The following PSTK variants were observed in gnomAD, a reference collection of about 807,000 sequenced individuals.
PSTK encodes phosphoseryl-tRNA kinase.
A neutral mutation model predicts 38.6 loss-of-function variants in PSTK; 26 were observed. That is an observed-to-expected ratio of 0.67 (90% CI 0.49 to 0.94). The LOEUF (loss-of-function observed/expected upper bound fraction) is 0.94. Ranked by LOEUF, PSTK falls within the 40% of genes least tolerant of loss-of-function variation. The probability of loss-of-function intolerance (pLI) is 0.00; values close to 1 mark genes in which losing one functional copy is unlikely to be tolerated. For synonymous variants in PSTK, 181 were observed against 161.7 expected, an observed-to-expected ratio of 1.12 and a Z score of -0.91; for missense variants, 445 against 436.3, an observed-to-expected ratio of 1.02 and a Z score of -0.18.
chr10:122,988,942 A>G (rs1356722807), intron 5 of PSTK, among the ~76,000 whole-genome samples: 1 of 152,140 alleles, frequency 6.6e-6, no homozygotes. Flanking sequence ...AAAATAACCC[A>G]CATGTCCGTC....
At chr10:122,986,825 A>G (rs1849040275) in intron 4 of PSTK, 44 bp from the exon 5 acceptor site, 1 of 1,271,374 alleles carries the variant, frequency 7.9e-7, no homozygotes, top group African/African-American at 1.5e-5. Context: ...CATTTATTTT[A>G]TAAAACTATG....
chr10:122,990,155 G>A lies in PSTK; in HGVS notation c.878-19G>A. On this transcript the variant is annotated intron_variant, in intron 5 of 5. Transcript: ENST00000406217. ...ACTTTAATTTACACCAGTAATTTGAGAATATCTTTTTATTTTAGATGAACA... is the reference window on the plus strand; with the variant it reads ...ACTTTAATTTACACCAGTAATTTGAAAATATCTTTTTATTTTAGATGAACA... 2.0e-6 allele frequency: 3 copies of A among 1,489,184 alleles called. No individual in the cohort carries two copies. The highest frequency in any genetic ancestry group is 2.7e-6 in the Non-Finnish European group (3 of 1,116,242). 92.2% of individuals were successfully genotyped at this position (1,489,184 alleles called of 1,614,324 possible). A position where few individuals can be genotyped will look rare whatever the true frequency, so the allele number is the denominator to read the frequency against.
intron 5 of PSTK, among the ~76,000 whole-genome samples, chr10:122,989,329 G>A (rs1250708256): frequency 6.6e-6 from 1 of 152,090 alleles, no homozygotes; most frequent in African/African-American, 2.4e-5. Flanking sequence ...TTGGCTCACT[G>A]CAACCTCCAC....
At chr10:122,989,013 A>C (rs1373058686) in intron 5 of PSTK, among the ~76,000 whole-genome samples, 1 of 152,122 alleles carries the variant, frequency 6.6e-6, no homozygotes, top group Admixed American at 6.5e-5. Flanking sequence ...ATAAAAAGGA[A>C]TGAAATGCTG....
At chr10:122,986,837 G>A (rs1308734772) in intron 4 of PSTK, 32 bp from the exon 5 acceptor site, 1 of 1,346,540 alleles carries the variant, frequency 7.4e-7, no homozygotes, top group South Asian at 1.2e-5. Context: ...AAAACTATGT[G>A]ACTTCTAATA....
Position 122,990,267 on chromosome 10 carries a change from A to G in PSTK, c.971A>G (p.Lys324Arg). 2 of 1,541,638 alleles carry G rather than the reference A, an allele frequency of 1.3e-6. No individual in the cohort carries two copies. Among genetic ancestry groups the G allele is most frequent in the Non-Finnish European group, 1.7e-6 (2 of 1,144,280 alleles). Residue 324 changes from lysine (K) to arginine (R), a missense_variant, in exon 6 of 6, where the codon AAA becomes AGA. Lys to Arg is a conservative substitution (Grantham distance 26, BLOSUM62 2). Coordinates refer to ENST00000406217, the MANE Select transcript of PSTK (RefSeq NM_001363531.2). ...TTGGAAGACCTAAAACAAGGAAACAAAAAATATCTGTGCTTTCAGCAAACC... is the reference window on the plus strand; with the variant it reads ...TTGGAAGACCTAAAACAAGGAAACAGAAAATATCTGTGCTTTCAGCAAACC... ...EFLEDLKQGN[K>R]KYLCFQQTID...
At chr10:122,989,919 A>T (rs1256639472) in intron 5 of PSTK, among the ~76,000 whole-genome samples, 4 of 152,240 alleles carry the variant, frequency 2.6e-5, no homozygotes, top group Non-Finnish European at 4.4e-5. Context: ...TCTTGGCAAC[A>T]ACAACAAAAA....
chr10:122,983,208 A>G (rs2133355989), intron 2 of PSTK, 64 bp from the exon 3 acceptor site: 1 of 1,367,696 alleles, frequency 7.3e-7, no homozygotes, highest in Non-Finnish European at 1.0e-6. Context: ...TGTCTAATAT[A>G]TGTTTATTTC....
intron 3 of PSTK, chr10:122,984,934 A>C (rs1849014989): frequency 6.6e-6 from 1 of 152,226 alleles, no homozygotes; most frequent in South Asian, 2.1e-4. Context: ...TAATATACCC[A>C]GGTAGGAAGT....
chr10:122,985,255 C>T (rs1849018719), intron 3 of PSTK: 1 of 152,404 alleles, frequency 6.6e-6, no homozygotes, highest in Admixed American at 6.5e-5. Context: ...CCCCTCTGCC[C>T]TTCCCACATT....
At chr10:122,986,727 G>T (rs1319937612) in intron 4 of PSTK, 142 bp from the exon 5 acceptor site, 6 of 609,502 alleles carry the variant, frequency 9.8e-6, no homozygotes, top group African/African-American at 1.9e-5. Flanking sequence ...GATTTGGTTG[G>T]ACTCTCTTGT....
In PSTK at chr10:122,983,391, G is replaced by C. The variant is rs199793118; in HGVS notation, c.628G>C (p.Glu210Gln). 2 of 1,614,160 alleles carry C rather than the reference G, an allele frequency of 1.2e-6. No individual in the cohort carries two copies. The highest frequency in any genetic ancestry group is 2.2e-5 in the East Asian group (1 of 44,878). Residue 210 changes from glutamate (E) to glutamine (Q), a missense_variant, in exon 3 of 6, where the codon GAA (glutamate) becomes CAA (glutamine). Glu to Gln is a conservative substitution (Grantham distance 29). Transcript: ENST00000406217. Reference sequence around the variant, plus strand: ...CATCCACCTGATGGGAAGAAAGCTAGAAAAGCCCAACCCTGAGAAAAATGC... The same window carrying C: ...CATCCACCTGATGGGAAGAAAGCTACAAAAGCCCAACCCTGAGAAAAATGC... Reference protein sequence around the residue: ...ETIHLMGRKLEKPNPEKNAWE... With the variant: ...ETIHLMGRKLQKPNPEKNAWE...
intron 3 of PSTK, 39 bp from the exon 4 acceptor site, chr10:122,986,261 T>A: frequency 1.6e-6 from 2 of 1,228,910 alleles, no homozygotes; most frequent in Non-Finnish European, 2.3e-6. Flanking sequence ...AGATGTTGGA[T>A]ATAAGGATCT....
In PSTK at chr10:122,983,423, A is replaced by G. The variant is rs777967877; in HGVS notation, c.660A>G (p.Glu220=). 6.2e-7 allele frequency: 1 copy of G among 1,613,838 alleles called. No individual in the cohort carries two copies. Among genetic ancestry groups the G allele is most frequent in the Non-Finnish European group, 8.5e-7 (1 of 1,180,032 alleles). ...CCAACCCTGAGAAAAATGCTTGGGA[A>G]CACAACAGCCTCACAATTCCGAGTC... The part of the protein sequence containing the change: ...EKPNPEKNAW[E]HNSLTIPSPA... The change falls in exon 3 of 6, where the codon GAA becomes GAG. Residue 220 remains glutamate (E), a synonymous_variant. Transcript: ENST00000406217.
intron 3 of PSTK, chr10:122,984,299 T>G (rs1184180947): frequency 1.3e-5 from 2 of 152,176 alleles, no homozygotes; most frequent in Admixed American, 1.3e-4. Flanking sequence ...CCCAGCTAAT[T>G]TTTTAATTTG....
chr10:122,983,717 A>C, intron 3 of PSTK: 1 of 446,052 alleles, frequency 2.2e-6, no homozygotes, highest in Non-Finnish European at 4.0e-6. Flanking sequence ...TGGAGCAGGG[A>C]ATTCAGAGAA....
At chr10:122,986,225 T>C in intron 3 of PSTK, 75 bp from the exon 4 acceptor site, 1 of 835,136 alleles carries the variant, frequency 1.2e-6, no homozygotes. Flanking sequence ...CAGGACTCCA[T>C]CTCAAAAAAA....
intron 3 of PSTK, chr10:122,983,699 C>T (rs749977672): frequency 2.7e-5 from 13 of 482,080 alleles, no homozygotes; most frequent in Non-Finnish European, 4.8e-5. Flanking sequence ...ATACTGTCTT[C>T]CAGTAGTTGG....
rs142586080 is a variant in PSTK, at chr10:122,980,677, G to T, written c.198G>T (p.Gly66=). The T allele has an allele frequency of 6.4e-7, 1 of 1,553,796 alleles. No homozygotes were observed. Among genetic ancestry groups the T allele is most frequent in the Admixed American group, 1.8e-5 (1 of 56,524 alleles). ...TCATGCCCGACGCGTTTCTCGCCGG[G>T]GCAAGAGCGCGACCGGCGGTCAGCA... ...DDVMPDAFLA[G]ARARPAPSQW... The change falls in exon 1 of 6, where the codon GGG becomes GGT. Residue 66 remains glycine (G), a synonymous_variant. Coordinates refer to ENST00000406217, the MANE Select transcript of PSTK (RefSeq NM_001363531.2). This position sits in a 1 kb window ranked among gnomAD's most constrained non-coding sequence, Gnocchi z 4.3.
Sources: gnomAD v4.1 joint callset for allele counts (sites outside exome capture counted in the v4.1 genomes callset) on GRCh38, gnomAD v4.1.1 for gene constraint, Gnocchi (gnomAD v3.1) non-coding constraint, MANE v1.5 for transcripts, NCBI Gene and HGNC (gene_info 2026-07-23, HGNC 2026-07-21) for gene names.